Variants in MYO5B observed in about 807,000 individuals in gnomAD.
The protein encoded by MYO5B is unconventional myosin-Vb.
MYO5B carries 143 observed loss-of-function variants against 229.3 expected under a neutral mutation model. The observed-to-expected ratio is 0.62, with a 90% CI of 0.54 to 0.72. The LOEUF is 0.72. Ranked by LOEUF, MYO5B falls within the 30% of genes least tolerant of loss-of-function variation. MYO5B has a pLI of 0.00. For missense variants in MYO5B, 2,321 were observed against 2,331.0 expected (o/e 1.00, Z 0.09); for synonymous variants, 918 against 885.2 (o/e 1.04, Z -0.66).
chr18:49,894,661 C>G (rs1474718546), intron 22 of MYO5B, among the ~76,000 whole-genome samples: 1 of 152,216 alleles, frequency 6.6e-6, no homozygotes, highest in Non-Finnish European at 1.5e-5. Flanking sequence ...AGCCCTGGGC[C>G]TAATTCTAGA....
intron 1 of MYO5B, among the ~76,000 whole-genome samples, chr18:50,179,576 T>A (rs2033044038): frequency 6.6e-6 from 1 of 152,090 alleles, no homozygotes; most frequent in African/African-American, 2.4e-5. Flanking sequence ...AGAAAGGGCA[T>A]TAAAACCACA....
chr18:49,975,527 A>G (rs939984672), intron 9 of MYO5B, among the ~76,000 whole-genome samples: 5 of 152,134 alleles, frequency 3.3e-5, no homozygotes, highest in African/African-American at 1.2e-4. Flanking sequence ...AATCATAGAA[A>G]CTGAACTTTT....
intron 28 of MYO5B, 38 bp downstream of exon 28, chr18:49,864,103 C>A (rs977686622): frequency 6.2e-7 from 1 of 1,601,470 alleles, no homozygotes; most frequent in East Asian, 2.2e-5. Flanking sequence ...CCTAGGGTCA[C>A]CCCTCGGCAG....
rs534904809 is a variant in MYO5B, at chr18:49,935,262, G to C, written c.2003+990C>G. 3.3e-5 allele frequency among the ~76,000 whole-genome samples: 5 copies of C among 152,094 alleles called. 1 individual carries two copies. In the South Asian group the frequency reaches 1.0e-3, roughly 32 times the overall value. On this transcript the variant is annotated intron_variant, in intron 16 of 39. Coordinates refer to ENST00000285039, the MANE Select transcript of MYO5B (RefSeq NM_001080467.3). ...TGTATGGTGGCCACTAGCACCTCGG[G>C]GTATCCAAAATAAATTAAAATGAAA...
chr18:49,853,665 C>A lies in MYO5B; in HGVS notation c.4023-18G>T. 2 of 1,608,324 alleles carry A rather than the reference C, an allele frequency of 1.2e-6. No homozygotes were observed. The highest frequency in any genetic ancestry group is 2.2e-5 in the South Asian group (2 of 90,732). ...CCAGCAGCCTGTGCCAGGGAGAGGA[C>A]AGGTGAGCACGTGGCCCAGGCCAGG... On this transcript the variant is annotated intron_variant, in intron 30 of 39. Coordinates refer to ENST00000285039, the MANE Select transcript of MYO5B (RefSeq NM_001080467.3).
chr18:50,109,720 C>A (rs1279719257), intron 1 of MYO5B, among the ~76,000 whole-genome samples: 1 of 152,176 alleles, frequency 6.6e-6, no homozygotes, highest in African/African-American at 2.4e-5. Context: ...GCCACCACGA[C>A]CAGCGGTCAT....
intron 1 of MYO5B, among the ~76,000 whole-genome samples, chr18:50,178,408 G>A (rs561213281): frequency 3.9e-5 from 6 of 152,258 alleles, no homozygotes; most frequent in South Asian, 2.1e-4. Context: ...GAATAACTAC[G>A]TAAAAAAATT....
intron 1 of MYO5B, among the ~76,000 whole-genome samples, chr18:50,155,412 T>C (rs1003186652): frequency 6.6e-6 from 1 of 152,250 alleles, no homozygotes; most frequent in Admixed American, 6.5e-5. Context: ...TTTAACCAGG[T>C]ACTTATCTTG....
At chr18:49,972,483 G>A (rs1216906000) in intron 10 of MYO5B, among the ~76,000 whole-genome samples, 1 of 152,176 alleles carries the variant, frequency 6.6e-6, no homozygotes, top group African/African-American at 2.4e-5. Flanking sequence ...TTATGTAGCA[G>A]TAGTAAGGAA....
chr18:49,836,965 A>T, intron 37 of MYO5B, 80 bp from the exon 38 acceptor site: 1 of 1,391,566 alleles, frequency 7.2e-7, no homozygotes, highest in East Asian at 2.4e-5. Flanking sequence ...TGTGTTTTGC[A>T]GGCCCGCTGC....
intron 15 of MYO5B, 95 bp downstream of exon 15, chr18:49,937,150 G>T: frequency 6.7e-7 from 1 of 1,481,880 alleles, no homozygotes; most frequent in South Asian, 1.1e-5. Flanking sequence ...AGGCTGCTGT[G>T]ATGGCTTCCC....
At chr18:50,158,790 T>G (rs898696132) in intron 1 of MYO5B, among the ~76,000 whole-genome samples, 4 of 152,298 alleles carry the variant, frequency 2.6e-5, no homozygotes, top group Non-Finnish European at 5.9e-5. Context: ...GGAGCCGGTG[T>G]TCTCTGAGGC....
rs1475190830 is a variant in MYO5B at position 49,825,214 on chromosome 18, A to G, written c.*1257T>C. ...GGAAAGAATATGGGTTTCCAATTGA[A>G]TGCTTGCTTTTGAAGAAACCAAAAA... On this transcript the variant is annotated 3_prime_UTR_variant, in exon 40 of 40. Transcript: ENST00000285039. 6.6e-6 allele frequency: 1 copy of G among 152,244 alleles called. No homozygotes were observed. Among genetic ancestry groups the G allele is most frequent in the Admixed American group, 6.5e-5 (1 of 15,290 alleles). The allele number at this position is 152,244 out of a possible 1,614,324, so 9.4% of individuals were successfully genotyped here.
At chr18:50,163,549 T>C (rs979439317) in intron 1 of MYO5B, among the ~76,000 whole-genome samples, 2 of 152,298 alleles carry the variant, frequency 1.3e-5, no homozygotes, top group Admixed American at 1.3e-4. Context: ...TCTCCTCCTA[T>C]CTTATTTCAA....
chr18:50,174,938 G>A (rs1281391367), intron 1 of MYO5B, among the ~76,000 whole-genome samples: 1 of 152,226 alleles, frequency 6.6e-6, no homozygotes, highest in African/African-American at 2.4e-5. Context: ...CAAGTGACAA[G>A]CAGAGTGATG....
chr18:49,958,234 C>A (rs1311303321), intron 12 of MYO5B, among the ~76,000 whole-genome samples: 2 of 152,164 alleles, frequency 1.3e-5, no homozygotes, highest in East Asian at 3.9e-4. Context: ...CTCGGAGAAT[C>A]ACTTCTATGG....
chr18:49,915,709 T>C (rs2025006168), intron 17 of MYO5B, among the ~76,000 whole-genome samples: 1 of 152,252 alleles, frequency 6.6e-6, no homozygotes, highest in Non-Finnish European at 1.5e-5. Flanking sequence ...TTTGATCATG[T>C]ACAATAAATA....
chr18:50,012,920 T>G (rs927007261), intron 4 of MYO5B, among the ~76,000 whole-genome samples: 1 of 152,250 alleles, frequency 6.6e-6, no homozygotes, highest in African/African-American at 2.4e-5. Context: ...TGCTTCAGAC[T>G]GAAGGCATTC....
chr18:49,836,964 C>T, intron 37 of MYO5B, 79 bp from the exon 38 acceptor site: 2 of 1,400,218 alleles, frequency 1.4e-6, no homozygotes, highest in South Asian at 1.2e-5. Context: ...TTGTGTTTTG[C>T]AGGCCCGCTG....
Sources: gnomAD v4.1 joint callset for allele counts (sites outside exome capture counted in the v4.1 genomes callset) on GRCh38, gnomAD v4.1.1 for gene constraint, MANE v1.5 for transcripts, NCBI Gene and HGNC (gene_info 2026-07-23, HGNC 2026-07-21) for gene names.